The following ZDHHC11B variants were observed in gnomAD, a reference collection of about 807,000 sequenced individuals.
ZDHHC11B encodes the protein zDHHC palmitoyltransferase 11B (putative), also known as probable palmitoyltransferase ZDHHC11B.
Under a neutral mutation model 42.3 loss-of-function variants are expected in ZDHHC11B, and 17 were observed. That is an observed-to-expected ratio of 0.40 (90% CI 0.27 to 0.60). The LOEUF (loss-of-function observed/expected upper bound fraction) is 0.60, where lower values mean the gene tolerates loss of function less well. Ranked by LOEUF, ZDHHC11B falls within the 20% of genes least tolerant of loss-of-function variation. The probability of loss-of-function intolerance (pLI) is 0.41; values close to 1 mark genes in which losing one functional copy is unlikely to be tolerated. For missense variants in ZDHHC11B, 262 were observed against 463.2 expected, an observed-to-expected ratio of 0.57 and a Z score of 3.99; for synonymous variants, 123 against 193.5, an observed-to-expected ratio of 0.64 and a Z score of 3.02.
At chr5:731,643 A>G (rs1327961743) in intron 11 of ZDHHC11B, among the ~76,000 whole-genome samples, 2 of 151,930 alleles carry the variant, frequency 1.3e-5, no homozygotes, top group Non-Finnish European at 2.9e-5. Context: ...ATTTTATTTC[A>G]GCCTGTGGCT....
In ZDHHC11B at chr5:766,681, C is replaced by T; in HGVS notation, c.222+17G>A. The T allele has an allele frequency of 3.8e-6, 6 of 1,596,370 alleles. No homozygotes were observed. The highest frequency in any genetic ancestry group is 4.3e-6 in the Non-Finnish European group (5 of 1,169,818). Reference sequence around the variant, plus strand: ...GGAACCCCTCCCGCTTAGACCATGCCACGATGAAAAGGATACCACATAGGC... The same window carrying T: ...GGAACCCCTCCCGCTTAGACCATGCTACGATGAAAAGGATACCACATAGGC... On this transcript the variant is annotated intron_variant, in intron 4 of 13. Transcript: ENST00000508859.
chr5:746,859 G>A (rs1296894647), intron 8 of ZDHHC11B, among the ~76,000 whole-genome samples: 2 of 136,826 alleles, frequency 1.5e-5, no homozygotes, highest in Non-Finnish European at 3.2e-5. Flanking sequence ...TGTATTACTG[G>A]GCAGTTTGAG....
intron 1 of ZDHHC11B, among the ~76,000 whole-genome samples, chr5:783,914 C>T (rs1469343877): frequency 6.7e-6 from 1 of 149,942 alleles, no homozygotes; most frequent in African/African-American, 2.5e-5. Flanking sequence ...GCAGCCCCGC[C>T]ACTGCCCGGG....
intron 4 of ZDHHC11B, among the ~76,000 whole-genome samples, chr5:763,515 G>T (rs1387089594): frequency 2.6e-5 from 4 of 151,828 alleles, no homozygotes; most frequent in African/African-American, 9.7e-5. Flanking sequence ...TGTTGCACTT[G>T]GGGAAAAATC....
chr5:755,947 G>A lies in ZDHHC11B; in HGVS notation c.401+19C>T, dbSNP rs3749614. On this transcript the variant is annotated intron_variant, in intron 5 of 13. Coordinates refer to ENST00000508859, the MANE Select transcript of ZDHHC11B (RefSeq NM_001351303.2). ...GGTGACCCTGACACCTTGGGGCCTC[G>A]GCGAGGGCGGGCACTCACACGGTGA... 323,025 of 802,842 alleles carry A rather than the reference G, an allele frequency of 0.4. 41,024 individuals carry two copies. Among genetic ancestry groups the A allele is most frequent in the East Asian group, 0.51 (17,065 of 33,738 alleles). 49.7% of individuals were successfully genotyped at this position (802,842 alleles called of 1,614,324 possible).
intron 4 of ZDHHC11B, among the ~76,000 whole-genome samples, chr5:762,044 G>A (rs1734695989): frequency 6.7e-6 from 1 of 149,302 alleles, no homozygotes; most frequent in South Asian, 2.1e-4. Context: ...GCCACTCACA[G>A]CCCTGGATGC....
chr5:783,958 T>A (rs1385333208), intron 1 of ZDHHC11B, among the ~76,000 whole-genome samples: 1 of 150,614 alleles, frequency 6.6e-6, no homozygotes, highest in Admixed American at 6.6e-5. Context: ...CGGCTCCGTT[T>A]ACGTAACCGA....
At chr5:766,997 G>C (rs769433238) in intron 3 of ZDHHC11B, 78 bp from the exon 4 acceptor site, 1 of 1,507,442 alleles carries the variant, frequency 6.6e-7, no homozygotes, top group Admixed American at 1.8e-5. Context: ...GGGAGACCAC[G>C]GGGACTGGGA....
chr5:772,757 G>A (rs1196389339), intron 1 of ZDHHC11B, among the ~76,000 whole-genome samples: 7 of 151,832 alleles, frequency 4.6e-5, no homozygotes, highest in Admixed American at 2.0e-4. Flanking sequence ...GTGGAGCAGT[G>A]CCGACCTCAG....
At chr5:732,925 C>T (rs1367656720) in intron 11 of ZDHHC11B, among the ~76,000 whole-genome samples, 2 of 151,774 alleles carry the variant, frequency 1.3e-5, no homozygotes, top group South Asian at 4.2e-4. Flanking sequence ...GGTGTGGTGG[C>T]ACACACCTGT....
At chr5:756,212 C>G in intron 4 of ZDHHC11B, 68 bp from the exon 5 acceptor site, 1 of 1,513,372 alleles carries the variant, frequency 6.6e-7, no homozygotes, top group Non-Finnish European at 8.9e-7. Context: ...CCGTGAGGCC[C>G]AAGGTCCCAG....
Position 730,339 on chromosome 5 carries a change from G to T in ZDHHC11B, c.1058+95C>A. The T allele has an allele frequency of 2.2e-6, 3 of 1,389,968 alleles. No individual in the cohort carries two copies. In the South Asian group the frequency reaches 4.3e-5, roughly 20 times the overall value. The allele number at this position is 1,389,968 out of a possible 1,614,324, so 86.1% of individuals were successfully genotyped here. On this transcript the variant is annotated intron_variant, in intron 12 of 13. Coordinates refer to ENST00000508859, the MANE Select transcript of ZDHHC11B (RefSeq NM_001351303.2). ...TTTCCCTTATGTCATCAGAATATTTGAACATGTTAAATAGAGAACATATTT... is the reference window on the plus strand; with the variant it reads ...TTTCCCTTATGTCATCAGAATATTTTAACATGTTAAATAGAGAACATATTT...
At chr5:751,501 GCA>G (rs1279198876) in intron 6 of ZDHHC11B, among the ~76,000 whole-genome samples, 1 of 37,110 alleles carries the variant, frequency 2.7e-5, no homozygotes, top group Non-Finnish European at 6.9e-5. Flanking sequence ...GGTGGGGGGT[GCA>G]GAGGCAGGGG....
At chr5:763,353 G>A (rs1734860532) in intron 4 of ZDHHC11B, among the ~76,000 whole-genome samples, 1 of 146,222 alleles carries the variant, frequency 6.8e-6, no homozygotes, top group Non-Finnish European at 1.5e-5. Flanking sequence ...TGGGTGACAA[G>A]AGTGAGACTC....
chr5:732,970 T>C (rs1295748183), intron 11 of ZDHHC11B, among the ~76,000 whole-genome samples: 1 of 151,686 alleles, frequency 6.6e-6, no homozygotes, highest in African/African-American at 2.4e-5. Flanking sequence ...GGTGGGACAA[T>C]TGCTTGAGCC....
chr5:777,273 C>T (rs897014617), intron 1 of ZDHHC11B, among the ~76,000 whole-genome samples: 2 of 151,946 alleles, frequency 1.3e-5, no homozygotes, highest in East Asian at 3.9e-4. Flanking sequence ...TCATTCATTC[C>T]TTCCCGTGGG....
chr5:772,967 G>C (rs1387870811), intron 1 of ZDHHC11B, among the ~76,000 whole-genome samples: 2 of 151,916 alleles, frequency 1.3e-5, no homozygotes, highest in African/African-American at 4.8e-5. Flanking sequence ...GAATGAATTA[G>C]GCACGATGTG....
At position 744,691 on chromosome 5, in the gene ZDHHC11B, C is replaced by T. The variant is rs867174814; in HGVS notation, c.900+492G>A. 1.4e-4 allele frequency among the ~76,000 whole-genome samples: 21 copies of T among 148,256 alleles called. 1 individual carries two copies. The highest frequency in any genetic ancestry group is 1.1e-3 in the South Asian group (5 of 4,410). ...GAAGTTTGAGACCAGCCTGGCATGT[C>T]AAAACCACGTCTCTACTAAAAATAC... On this transcript the variant is annotated intron_variant, in intron 9 of 13. Coordinates refer to ENST00000508859, the MANE Select transcript of ZDHHC11B (RefSeq NM_001351303.2).
At chr5:758,405 C>T (rs1438075909) in intron 4 of ZDHHC11B, among the ~76,000 whole-genome samples, 2 of 151,932 alleles carry the variant, frequency 1.3e-5, no homozygotes, top group African/African-American at 2.4e-5. Flanking sequence ...TCACATTCTC[C>T]GGGCTTCGCA....
Sources: gnomAD v4.1 joint callset for allele counts (sites outside exome capture counted in the v4.1 genomes callset) on GRCh38, gnomAD v4.1.1 for gene constraint, MANE v1.5 for transcripts, NCBI Gene and HGNC (gene_info 2026-07-23, HGNC 2026-07-21) for gene names.